SGCZ: variants seen among roughly 807,000 people sequenced by gnomAD.
The protein encoded by SGCZ is zeta-sarcoglycan.
Under a neutral mutation model 41.3 loss-of-function variants are expected in SGCZ, and 40 were observed. That is an observed-to-expected ratio of 0.97 (90% CI 0.75 to 1.26). The LOEUF (loss-of-function observed/expected upper bound fraction) is 1.26, where lower values mean the gene tolerates loss of function less well. SGCZ is among the 50% of genes most tolerant of loss of function. The probability of loss-of-function intolerance (pLI) is 0.00; values close to 1 mark genes in which losing one functional copy is unlikely to be tolerated. For synonymous variants in SGCZ, 206 were observed against 137.5 expected, an observed-to-expected ratio of 1.50 and a Z score of -3.49; for missense variants, 552 against 369.8, an observed-to-expected ratio of 1.49 and a Z score of -4.04.
intron 5 of SGCZ, among the ~76,000 whole-genome samples, chr8:14,117,360 T>TGC (rs764922380): frequency 0.23 from 34,618 of 148,494 alleles, 4,206 homozygotes; most frequent in African/African-American, 0.27. Context: ...GGTAGTGTTT[T>TGC]TTTTTTTTTT....
At chr8:15,087,990 T>C (rs1452611923) in intron 1 of SGCZ, among the ~76,000 whole-genome samples, 1 of 148,006 alleles carries the variant, frequency 6.8e-6, no homozygotes, top group Non-Finnish European at 1.5e-5. Flanking sequence ...ATACCTCATA[T>C]GTCATTTCTG....
intron 7 of SGCZ, among the ~76,000 whole-genome samples, chr8:14,092,532 C>T (rs1468008470): frequency 6.6e-6 from 1 of 151,910 alleles, no homozygotes; most frequent in African/African-American, 2.4e-5. Flanking sequence ...TGAATTGTAA[C>T]CCCCATAATT....
chr8:15,151,791 A>G (rs183413550), intron 1 of SGCZ, among the ~76,000 whole-genome samples: 55 of 152,356 alleles, frequency 3.6e-4, no homozygotes, highest in African/African-American at 1.2e-3. Flanking sequence ...TAAGAAGTCA[A>G]TGAATGAATT....
chr8:14,154,887 G>T (rs572760305), intron 5 of SGCZ, among the ~76,000 whole-genome samples: 5 of 152,104 alleles, frequency 3.3e-5, no homozygotes, highest in African/African-American at 1.2e-4. Flanking sequence ...TCCAGGCATG[G>T]GGGTGAGCCA....
chr8:14,298,709 T>C (rs1291417571), intron 3 of SGCZ, among the ~76,000 whole-genome samples: 1 of 152,042 alleles, frequency 6.6e-6, no homozygotes, highest in African/African-American at 2.4e-5. Flanking sequence ...TGGATAAATG[T>C]AATATGTCAA....
intron 1 of SGCZ, among the ~76,000 whole-genome samples, chr8:14,943,870 G>A (rs1353608722): frequency 6.6e-6 from 1 of 152,136 alleles, no homozygotes; most frequent in Non-Finnish European, 1.5e-5. Flanking sequence ...TTAGGAAAGT[G>A]ACCTCTAGCT....
In SGCZ at chr8:14,085,774, A is replaced by T. The variant is rs926640244; in HGVS notation, c.*4669T>A. On this transcript the variant is annotated 3_prime_UTR_variant, in exon 8 of 8. Coordinates refer to ENST00000382080, the MANE Select transcript of SGCZ (RefSeq NM_139167.4). ...ACTAATGATGTTTCCCTTCTGAAAC[A>T]AAAGCATTCCTTAATTTATACAACT... Among the ~76,000 whole-genome samples, 1 of 151,968 alleles carries T rather than the reference A, an allele frequency of 6.6e-6. No individual in the cohort carries two copies. Among genetic ancestry groups the T allele is most frequent in the Non-Finnish European group, 1.5e-5 (1 of 67,814 alleles).
At chr8:15,126,344 A>G (rs1462502814) in intron 1 of SGCZ, among the ~76,000 whole-genome samples, 1 of 152,220 alleles carries the variant, frequency 6.6e-6, no homozygotes, top group African/African-American at 2.4e-5. Flanking sequence ...ATGGATTTAT[A>G]CTAAACTCTA....
chr8:14,802,454 A>G (rs1801352137), intron 1 of SGCZ, among the ~76,000 whole-genome samples: 1 of 152,230 alleles, frequency 6.6e-6, no homozygotes, highest in Non-Finnish European at 1.5e-5. Flanking sequence ...GACACTTCAT[A>G]AATACCCCCA....
At chr8:14,535,215 T>A (rs562001348) in intron 2 of SGCZ, among the ~76,000 whole-genome samples, 11 of 151,980 alleles carry the variant, frequency 7.2e-5, no homozygotes, top group Non-Finnish European at 1.5e-4. Context: ...AGTAAAGATT[T>A]CAAATGTTCT....
chr8:14,631,891 A>G (rs1806667521), intron 1 of SGCZ, among the ~76,000 whole-genome samples: 4 of 152,188 alleles, frequency 2.6e-5, no homozygotes, highest in Admixed American at 2.6e-4. Context: ...TTTGTATAAT[A>G]CTAAGATTGG....
chr8:14,508,744 A>G (rs1802381738), intron 2 of SGCZ, among the ~76,000 whole-genome samples: 2 of 152,180 alleles, frequency 1.3e-5, no homozygotes, highest in South Asian at 4.1e-4. Context: ...GTTTTAGACT[A>G]AATTAGTTTT....
At chr8:14,562,864 C>T (rs1804247272) in intron 1 of SGCZ, among the ~76,000 whole-genome samples, 1 of 152,038 alleles carries the variant, frequency 6.6e-6, no homozygotes, top group Non-Finnish European at 1.5e-5. Flanking sequence ...AGTGACGAAG[C>T]TGGGATCGAG....
At chr8:14,298,851 A>G (rs2116965761) in intron 3 of SGCZ, among the ~76,000 whole-genome samples, 1 of 152,070 alleles carries the variant, frequency 6.6e-6, no homozygotes, top group Middle Eastern at 3.4e-3. Flanking sequence ...CAACATTTTT[A>G]TATGGAACTA....
At chr8:14,479,965 G>A (rs1437696612) in intron 2 of SGCZ, among the ~76,000 whole-genome samples, 1 of 152,004 alleles carries the variant, frequency 6.6e-6, no homozygotes, top group Admixed American at 6.6e-5. Flanking sequence ...GGCTAGTCTC[G>A]AATTCCTGAC....
intron 1 of SGCZ, among the ~76,000 whole-genome samples, chr8:14,601,523 T>A (rs933318994): frequency 7.9e-5 from 12 of 152,194 alleles, no homozygotes; most frequent in African/African-American, 2.7e-4. Context: ...GGACAATTTA[T>A]GTGTTTTATA....
chr8:14,607,462 G>T (rs1805788587), intron 1 of SGCZ, among the ~76,000 whole-genome samples: 1 of 152,060 alleles, frequency 6.6e-6, no homozygotes, highest in African/African-American at 2.4e-5. Context: ...CATATCCTGA[G>T]TTAAAATAAT....
At chr8:14,465,312 T>C (rs968511609) in intron 2 of SGCZ, among the ~76,000 whole-genome samples, 3 of 151,746 alleles carry the variant, frequency 2.0e-5, no homozygotes, top group African/African-American at 4.8e-5. Context: ...TTTAGTAGTA[T>C]ATAATGTCCT....
At position 15,172,163 on chromosome 8, in the gene SGCZ, T is replaced by G. The variant is rs200357052; in HGVS notation, c.39+65422A>C. 5.1e-5 allele frequency among the ~76,000 whole-genome samples: 6 copies of G among 116,552 alleles called. 1 individual carries two copies. In the East Asian group the frequency reaches 1.5e-3, roughly 29 times the overall value. The allele number at this position is 116,552 out of a possible 152,430, so 76.5% of individuals were successfully genotyped here. ...ATGCCTTTTATACTCTGTTTTTTTTTTTTTTTTTTTTTTTTTGAGACGGAG... is the reference window on the plus strand; with the variant it reads ...ATGCCTTTTATACTCTGTTTTTTTTGTTTTTTTTTTTTTTTTGAGACGGAG... On this transcript the variant is annotated intron_variant, in intron 1 of 7. Transcript: ENST00000382080.
Sources: allele counts gnomAD v4.1 joint callset (sites outside exome capture counted in the v4.1 genomes callset), GRCh38; gene constraint gnomAD v4.1.1; transcripts MANE v1.5; gene names NCBI Gene and HGNC (gene_info 2026-07-23, HGNC 2026-07-21).